Variants in DCDC2C observed in about 807,000 individuals in gnomAD.
DCDC2C encodes doublecortin domain-containing protein 2C.
DCDC2C carries 44 observed loss-of-function variants against 45.0 expected under a neutral mutation model. That is an observed-to-expected ratio of 0.98 (90% CI 0.77 to 1.26). The LOEUF is 1.26. DCDC2C is among the 50% of genes most tolerant of loss of function. The probability of loss-of-function intolerance (pLI) is 0.00; values close to 1 mark genes in which losing one functional copy is unlikely to be tolerated. For synonymous variants in DCDC2C, 187 were observed against 178.8 expected (o/e 1.05, Z -0.37); for missense variants, 447 against 468.9 (o/e 0.95, Z 0.43).
intron 9 of DCDC2C, among the ~76,000 whole-genome samples, chr2:3,783,593 G>T (rs1183269094): frequency 6.6e-6 from 1 of 152,244 alleles, no homozygotes; most frequent in Non-Finnish European, 1.5e-5. Flanking sequence ...TCATTTTGGT[G>T]TCATCGTTAG....
In DCDC2C at chr2:3,734,933, A is replaced by T. The variant is rs1186968963; in HGVS notation, c.417-6987A>T. On this transcript the variant is annotated intron_variant, in intron 3 of 10. Coordinates refer to ENST00000399143, the MANE Select transcript of DCDC2C (RefSeq NM_001287444.2). The surrounding 1 kb of genome is among the most constrained non-coding windows in gnomAD (Gnocchi z 4.2). ...TCCCGGGTCCAGGGATGACTCCCTT[A>T]TCGTGGCCTAAAGAGAGGAGGCAAT... Among the ~76,000 whole-genome samples, 1 of 152,178 alleles carries T rather than the reference A, an allele frequency of 6.6e-6. No homozygotes were observed. The highest frequency in any genetic ancestry group is 1.5e-5 in the Non-Finnish European group (1 of 68,028).
intron 2 of DCDC2C, among the ~76,000 whole-genome samples, chr2:3,725,575 C>T (rs78911222): frequency 1.3e-4 from 13 of 97,636 alleles, no homozygotes; most frequent in Admixed American, 2.0e-4. Flanking sequence ...CAGAGGAAGA[C>T]GAGCAGAGAG....
chr2:3,752,939 A>G (rs1351448839), intron 5 of DCDC2C, 39 bp downstream of exon 5: 1 of 1,537,922 alleles, frequency 6.5e-7, no homozygotes, highest in Non-Finnish European at 8.8e-7. Context: ...GAGTTTTGGA[A>G]AAAAATTAGC....
At chr2:3,766,277 C>G (rs1670008880) in intron 6 of DCDC2C, among the ~76,000 whole-genome samples, 1 of 151,416 alleles carries the variant, frequency 6.6e-6, no homozygotes, top group Non-Finnish European at 1.5e-5. Context: ...TAGGACACCA[C>G]ATACACACTC....
chr2:3,747,038 G>C (rs996262452), intron 4 of DCDC2C, among the ~76,000 whole-genome samples: 1 of 152,168 alleles, frequency 6.6e-6, no homozygotes, highest in Non-Finnish European at 1.5e-5. Context: ...TGGGAGATAG[G>C]TGTGGATACC....
chr2:3,814,425 C>T (rs1172462288), intron 10 of DCDC2C, among the ~76,000 whole-genome samples: 2 of 152,140 alleles, frequency 1.3e-5, no homozygotes, highest in African/African-American at 4.8e-5. Context: ...TTCCTCTAAC[C>T]TGTTATCAAA....
At chr2:3,767,970 C>T (rs1194524155) in intron 7 of DCDC2C, 90 bp downstream of exon 7, 1 of 1,282,162 alleles carries the variant, frequency 7.8e-7, no homozygotes, top group Non-Finnish European at 1.0e-6. Flanking sequence ...AAATCTTATA[C>T]TCCAGAAATA....
chr2:3,713,387 G>A lies in DCDC2C; in HGVS notation c.339+4787G>A, dbSNP rs139672131. Among the ~76,000 whole-genome samples the A allele has an allele frequency of 4.0e-3, 605 of 152,256 alleles. 3 individuals carry two copies. Among genetic ancestry groups the A allele is most frequent in the African/African-American group, 0.014 (561 of 41,544 alleles). Reference sequence around the variant, plus strand: ...GCACAGGGTTCTCCATGATCCATGCGAGGGGCTGGGGGAGCTTCCATAGGA... The same window carrying A: ...GCACAGGGTTCTCCATGATCCATGCAAGGGGCTGGGGGAGCTTCCATAGGA... On this transcript the variant is annotated intron_variant, in intron 2 of 10. Transcript: ENST00000399143.
At chr2:3,729,746 G>T (rs1668806452) in intron 3 of DCDC2C, among the ~76,000 whole-genome samples, 1 of 151,442 alleles carries the variant, frequency 6.6e-6, no homozygotes, top group African/African-American at 2.5e-5. Context: ...AGAAGGAGAG[G>T]TCAGGGGCCT....
chr2:3,707,432 T>C (rs1390981089), intron 1 of DCDC2C, among the ~76,000 whole-genome samples: 1 of 152,222 alleles, frequency 6.6e-6, no homozygotes, highest in Non-Finnish European at 1.5e-5. Flanking sequence ...ACTAAGCTAG[T>C]GAAGAGTGCA....
chr2:3,708,976 C>T (rs539929503), intron 2 of DCDC2C, among the ~76,000 whole-genome samples: 1 of 152,234 alleles, frequency 6.6e-6, no homozygotes, highest in East Asian at 1.9e-4. Flanking sequence ...AAGATTTGTC[C>T]CAAGTGCTCA....
chr2:3,830,192 A>G (rs1205444805), intron 10 of DCDC2C, among the ~76,000 whole-genome samples: 3 of 152,212 alleles, frequency 2.0e-5, no homozygotes, highest in African/African-American at 7.2e-5. Flanking sequence ...CTTACATATC[A>G]ATCAGCTTAC....
At chr2:3,710,362 C>T (rs190688101) in intron 2 of DCDC2C, among the ~76,000 whole-genome samples, 13 of 152,134 alleles carry the variant, frequency 8.5e-5, no homozygotes, top group African/African-American at 2.9e-4. Context: ...TCCCCTCATT[C>T]CTCCTCTCTG....
chr2:3,727,128 TA>T, intron 3 of DCDC2C, 49 bp downstream of exon 3: 1 of 1,427,086 alleles, frequency 7.0e-7, no homozygotes, highest in Non-Finnish European at 9.6e-7. Flanking sequence ...CATAACTCCC[TA>T]AAAACAATAC....
chr2:3,730,693 G>C (rs948528751), intron 3 of DCDC2C, among the ~76,000 whole-genome samples: 11 of 152,020 alleles, frequency 7.2e-5, no homozygotes, highest in Non-Finnish European at 8.8e-5. Context: ...TTACTAACAG[G>C]CTTCAATTAT....
At chr2:3,750,302 C>T (rs971294251) in intron 4 of DCDC2C, among the ~76,000 whole-genome samples, 2 of 152,112 alleles carry the variant, frequency 1.3e-5, no homozygotes, top group Non-Finnish European at 1.5e-5. Context: ...TTTCTTTGAT[C>T]TTAGCTTTTT....
chr2:3,816,785 G>A (rs1671569483), intron 10 of DCDC2C, among the ~76,000 whole-genome samples: 1 of 152,170 alleles, frequency 6.6e-6, no homozygotes. Context: ...TGCCAGTCCT[G>A]GGCAGGGGCA....
chr2:3,706,453 G>A (rs1005488353), intron 1 of DCDC2C, among the ~76,000 whole-genome samples: 1 of 152,156 alleles, frequency 6.6e-6, no homozygotes, highest in African/African-American at 2.4e-5. Context: ...ACAATGACGT[G>A]TCATATAAAG....
chr2:3,779,008 C>G, intron 9 of DCDC2C, 124 bp downstream of exon 9: 1 of 896,734 alleles, frequency 1.1e-6, no homozygotes, highest in South Asian at 1.7e-5. Flanking sequence ...CAAGCCAGCG[C>G]GGAATCGGAA....
Sources: allele counts gnomAD v4.1 joint callset (sites outside exome capture counted in the v4.1 genomes callset), GRCh38; gene constraint gnomAD v4.1.1; non-coding constraint Gnocchi (gnomAD v3.1); transcripts MANE v1.5; gene names NCBI Gene and HGNC (gene_info 2026-07-23, HGNC 2026-07-21).